The following PTPRK variants were observed in gnomAD, a reference collection of about 807,000 sequenced individuals.
PTPRK encodes receptor-type tyrosine-protein phosphatase kappa.
PTPRK carries 75 observed loss-of-function variants against 178.0 expected under a neutral mutation model. The ratio of observed to expected loss-of-function variants is 0.42; its 90% CI spans 0.35 to 0.51. The LOEUF (loss-of-function observed/expected upper bound fraction) is 0.51. PTPRK is among the 20% of genes least tolerant of loss of function. The probability of loss-of-function intolerance (pLI) is 0.02; values close to 1 mark genes in which losing one functional copy is unlikely to be tolerated. For synonymous variants in PTPRK, 637 were observed against 620.6 expected, an observed-to-expected ratio of 1.03 and a Z score of -0.39; for missense variants, 1,441 against 1,797.8, an observed-to-expected ratio of 0.80 and a Z score of 3.59.
intron 1 of PTPRK, among the ~76,000 whole-genome samples, chr6:128,473,021 T>A (rs963982991): frequency 6.6e-6 from 1 of 152,116 alleles, no homozygotes; most frequent in Non-Finnish European, 1.5e-5. Flanking sequence ...TAATTCACAG[T>A]CCATATTCAA....
intron 2 of PTPRK, among the ~76,000 whole-genome samples, chr6:128,377,008 T>C (rs1205764722): frequency 6.6e-6 from 1 of 152,198 alleles, no homozygotes; most frequent in Non-Finnish European, 1.5e-5. Context: ...AACAGGTCTC[T>C]AGGGAGTTCC....
rs1357394913 is a variant in PTPRK at position 128,009,114 on chromosome 6, C to G, written c.2333+16G>C. On this transcript the variant is annotated intron_variant, in intron 14 of 29. Transcript: ENST00000368226. Reference sequence around the variant, plus strand: ...TAAATGGTAAGTGAGTGGGACAGGACAATATTAGGCCTTACCTCTTTTTTA... The same window carrying G: ...TAAATGGTAAGTGAGTGGGACAGGAGAATATTAGGCCTTACCTCTTTTTTA... 6.2e-7 allele frequency: 1 copy of G among 1,604,874 alleles called. No individual in the cohort carries two copies. Among genetic ancestry groups the G allele is most frequent in the East Asian group, 2.2e-5 (1 of 44,642 alleles).
chr6:128,046,498 G>A (rs993421999), intron 13 of PTPRK, among the ~76,000 whole-genome samples: 9 of 152,172 alleles, frequency 5.9e-5, no homozygotes, highest in South Asian at 2.1e-4. Flanking sequence ...ATGGCTAGGC[G>A]AATCTACCAC....
chr6:128,471,292 T>C (rs1357126364), intron 1 of PTPRK, among the ~76,000 whole-genome samples: 1 of 152,080 alleles, frequency 6.6e-6, no homozygotes, highest in Non-Finnish European at 1.5e-5. Context: ...AGATTCTTTT[T>C]ACATTTTACT....
At chr6:128,241,073 C>T (rs1814337995) in intron 4 of PTPRK, 1 of 360,132 alleles carries the variant, frequency 2.8e-6, no homozygotes, top group Non-Finnish European at 5.7e-6. Flanking sequence ...AAAAACACAG[C>T]TCTCTTAAAC....
intron 1 of PTPRK, among the ~76,000 whole-genome samples, chr6:128,411,235 T>G (rs970056556): frequency 5.9e-5 from 9 of 152,026 alleles, no homozygotes; most frequent in Admixed American, 2.0e-4. Flanking sequence ...CCACAGCAAA[T>G]GAACACACTC....
At position 127,983,367 on chromosome 6, in the gene PTPRK, C is replaced by T; in HGVS notation, c.3262G>A (p.Gly1088Arg). The T allele has an allele frequency of 6.2e-7, 1 of 1,612,560 alleles. No individual in the cohort carries two copies. The highest frequency in any genetic ancestry group is 1.3e-5 in the African/African-American group (1 of 74,924). ...PIVVHCSAGA[G>R]RTGCYIVIDI... is the part of the protein sequence containing the mutation. ...ATCACAATGTAGCAGCCAGTTCGTC[C>T]AGCACCAGCACTGAAAAACAATTAA... is the stretch of plus-strand genomic sequence containing the variant. The change falls in exon 23 of 30, where the codon GGA becomes AGA. Residue 1088 changes from glycine (G) to arginine (R), a missense_variant. This residue lies in a region of PTPRK where 335 missense variants were observed against 512.4 expected (regional missense o/e 0.65). Transcript: ENST00000368226.
chr6:128,336,183 A>T (rs1236237179), intron 2 of PTPRK, among the ~76,000 whole-genome samples: 1 of 131,046 alleles, frequency 7.6e-6, no homozygotes, highest in Non-Finnish European at 1.6e-5. Context: ...CCTCCATTCC[A>T]ACAGTGTGTT....
intron 3 of PTPRK, among the ~76,000 whole-genome samples, chr6:128,255,057 C>G (rs1817058361): frequency 6.6e-6 from 1 of 152,204 alleles, no homozygotes; most frequent in Non-Finnish European, 1.5e-5. Flanking sequence ...GTGACGCGAT[C>G]TCAGCTCACC....
At chr6:128,298,880 CAGG>C (rs1825005333) in intron 3 of PTPRK, among the ~76,000 whole-genome samples, 1 of 152,040 alleles carries the variant, frequency 6.6e-6, no homozygotes, top group Non-Finnish European at 1.5e-5. Flanking sequence ...GGCAATTAGG[CAGG>C]AGAAGGAAAT....
At chr6:127,972,422 C>T (rs1032307448) in intron 29 of PTPRK, among the ~76,000 whole-genome samples, 5 of 152,070 alleles carry the variant, frequency 3.3e-5, no homozygotes, top group African/African-American at 1.2e-4. Context: ...TACAGCTTCA[C>T]CTAGATGAAC....
chr6:128,074,886 A>G (rs1226588984), intron 11 of PTPRK, among the ~76,000 whole-genome samples: 1 of 152,048 alleles, frequency 6.6e-6, no homozygotes, highest in East Asian at 1.9e-4. Flanking sequence ...ACTTGGTGAA[A>G]ATATTGGTAA....
intron 23 of PTPRK, 58 bp downstream of exon 23, chr6:127,983,184 T>C (rs1187890381): frequency 6.9e-7 from 1 of 1,452,506 alleles, no homozygotes; most frequent in Non-Finnish European, 9.2e-7. Flanking sequence ...ACATCTACTC[T>C]TTGTTTGCAA....
intron 3 of PTPRK, among the ~76,000 whole-genome samples, chr6:128,296,551 G>A (rs1377462408): frequency 3.3e-5 from 5 of 152,226 alleles, no homozygotes; most frequent in African/African-American, 4.8e-5. Context: ...CAAGCCAGAA[G>A]AGAGTGGGGG....
intron 10 of PTPRK, among the ~76,000 whole-genome samples, chr6:128,080,622 T>C (rs1281871336): frequency 6.6e-6 from 1 of 152,096 alleles, no homozygotes; most frequent in Non-Finnish European, 1.5e-5. Flanking sequence ...TATGTGTGTA[T>C]GTGAATGTAT....
intron 2 of PTPRK, among the ~76,000 whole-genome samples, chr6:128,369,226 G>A (rs1269159751): frequency 1.3e-5 from 2 of 150,870 alleles, no homozygotes; most frequent in Non-Finnish European, 3.0e-5. Flanking sequence ...AAAGGTGGCA[G>A]TTTTGAGAAG....
chr6:128,482,674 T>C (rs1852249440), intron 1 of PTPRK, among the ~76,000 whole-genome samples: 1 of 152,158 alleles, frequency 6.6e-6, no homozygotes, highest in Admixed American at 6.6e-5. Flanking sequence ...CGTCGGTCAG[T>C]GAACAGTTTC....
At chr6:127,997,588 C>T (rs908419655) in intron 16 of PTPRK, among the ~76,000 whole-genome samples, 15 of 151,964 alleles carry the variant, frequency 9.9e-5, no homozygotes, top group Non-Finnish European at 4.4e-5. Context: ...CAATTTAAAA[C>T]GGGTGTAAAT....
chr6:128,012,602 A>C (rs151082627), intron 13 of PTPRK, among the ~76,000 whole-genome samples: 74 of 151,488 alleles, frequency 4.9e-4, no homozygotes, highest in African/African-American at 1.7e-3. Flanking sequence ...ACGAGAAAAA[A>C]AACTAAGGCA....
Sources: allele counts gnomAD v4.1 joint callset (sites outside exome capture counted in the v4.1 genomes callset), GRCh38; gene constraint gnomAD v4.1.1; regional missense constraint gnomAD v4.1.1; transcripts MANE v1.5; gene names NCBI Gene and HGNC (gene_info 2026-07-23, HGNC 2026-07-21).